Variants in ACTN1 observed in about 807,000 individuals in gnomAD.
ACTN1 encodes actinin alpha 1.
In ACTN1, 30 loss-of-function variants were observed where a neutral mutation model predicts 119.6. The ratio of observed to expected loss-of-function variants is 0.25; its 90% CI spans 0.19 to 0.34. The LOEUF (loss-of-function observed/expected upper bound fraction) is 0.34. Among genes scored for constraint, ACTN1 ranks in the 10% least tolerant of loss-of-function variants. The pLI, the probability that ACTN1 is intolerant of heterozygous loss-of-function variation, is 1.00. For synonymous variants in ACTN1, 429 were observed against 472.6 expected, an observed-to-expected ratio of 0.91 and a Z score of 1.20; for missense variants, 764 against 1,223.4, an observed-to-expected ratio of 0.62 and a Z score of 5.60.
At chr14:68,954,647 C>G (rs1355431603) in intron 1 of ACTN1, among the ~76,000 whole-genome samples, 1 of 152,124 alleles carries the variant, frequency 6.6e-6, no homozygotes, top group Non-Finnish European at 1.5e-5. Flanking sequence ...TATTTTTAAG[C>G]ATGTCTTTCT....
chr14:68,953,885 CAAAA>C (rs756178152), intron 1 of ACTN1, among the ~76,000 whole-genome samples: 1 of 101,868 alleles, frequency 9.8e-6, no homozygotes, highest in Non-Finnish European at 2.1e-5. Flanking sequence ...GACTCTGTCT[CAAAA>C]AAAAAAAAAA....
Position 68,979,140 on chromosome 14 carries a change from T to A in ACTN1, c.-84A>T. 1 of 679,826 alleles carries A rather than the reference T, an allele frequency of 1.5e-6. No homozygotes were observed. The allele number at this position is 679,826 out of a possible 1,614,324, so 42.1% of individuals were successfully genotyped here. ...CTGCTGCCCTGGCGTGGGGAGGGAGTAGGGCTGGGCTGGGCTGGGCTGGCG... is the reference window on the plus strand; with the variant it reads ...CTGCTGCCCTGGCGTGGGGAGGGAGAAGGGCTGGGCTGGGCTGGGCTGGCG... On this transcript the variant is annotated 5_prime_UTR_variant, in exon 1 of 22. Transcript: ENST00000394419.
At chr14:68,875,411 G>A (rs1033222980) in intron 21 of ACTN1, among the ~76,000 whole-genome samples, 1 of 152,244 alleles carries the variant, frequency 6.6e-6, no homozygotes, top group African/African-American at 2.4e-5. Flanking sequence ...GAGCTCTCTG[G>A]ACGCCTCGGA....
chr14:68,921,391 C>T, intron 2 of ACTN1: 1 of 335,522 alleles, frequency 3.0e-6, no homozygotes, highest in Non-Finnish European at 5.4e-6. Flanking sequence ...ATTTATCGAG[C>T]CCCTACCGCA....
intron 11 of ACTN1, among the ~76,000 whole-genome samples, chr14:68,888,476 G>A (rs147533250): frequency 0.017 from 2,637 of 152,256 alleles, 38 homozygotes; most frequent in Middle Eastern, 0.031. Context: ...CACGCACAGT[G>A]GATGTGGGGG....
chr14:68,902,374 C>A, intron 8 of ACTN1, 103 bp downstream of exon 8: 2 of 1,009,106 alleles, frequency 2.0e-6, no homozygotes, highest in Non-Finnish European at 1.6e-6. Flanking sequence ...ACCAGACCAT[C>A]CAGATACCTG....
In ACTN1 at chr14:68,893,567, A is replaced by T. The variant is rs543227712; in HGVS notation, c.855+88T>A. 5.5e-6 allele frequency: 7 copies of T among 1,278,428 alleles called. No individual in the cohort carries two copies. In the African/African-American group the frequency reaches 1.0e-4, roughly 19 times the overall value. 79.2% of individuals were successfully genotyped at this position (1,278,428 alleles called of 1,614,324 possible). On this transcript the variant is annotated intron_variant, in intron 9 of 21. Transcript: ENST00000394419. ...GGATCAGAGACTATACAAGCCTGAG[A>T]CTATGCTCCAAGGAAAGACTTGGAG...
chr14:68,900,101 A>G (rs1197788417), intron 8 of ACTN1, among the ~76,000 whole-genome samples: 7 of 152,106 alleles, frequency 4.6e-5, no homozygotes, highest in East Asian at 1.9e-4. Flanking sequence ...GCCCGCACCA[A>G]TGAGCCCTGG....
chr14:68,899,334 CT>C (rs1320980259), intron 8 of ACTN1, among the ~76,000 whole-genome samples: 1 of 150,582 alleles, frequency 6.6e-6, no homozygotes, highest in South Asian at 2.1e-4. Context: ...CACCTCACCC[CT>C]CACACCTCCT....
chr14:68,950,601 G>A (rs987781631), intron 1 of ACTN1, among the ~76,000 whole-genome samples: 6 of 147,860 alleles, frequency 4.1e-5, no homozygotes, highest in African/African-American at 1.5e-4. Flanking sequence ...TCACTCTGTC[G>A]CCCAGTCTGG....
At chr14:68,881,955 T>TTTGTTTGA (rs58500225) in intron 16 of ACTN1, among the ~76,000 whole-genome samples, 1 of 103,002 alleles carries the variant, frequency 9.7e-6, no homozygotes, top group African/African-American at 4.4e-5. Context: ...TTTTTTTTTT[T>TTTGTTTGA]GACAGAGTCT....
chr14:68,958,722 C>T (rs1198982781), intron 1 of ACTN1, among the ~76,000 whole-genome samples: 10 of 152,182 alleles, frequency 6.6e-5, no homozygotes, highest in South Asian at 4.1e-4. Flanking sequence ...CTGGAAACCA[C>T]GGAAGTGTCC....
At position 68,966,699 on chromosome 14, in the gene ACTN1, G is replaced by A. The variant is rs527997917; in HGVS notation, c.105+12253C>T. Among the ~76,000 whole-genome samples, 10 of 152,236 alleles carry A rather than the reference G, an allele frequency of 6.6e-5. No homozygotes were observed. The East Asian group carries it at 1.7e-3, about 26-fold the overall frequency. On this transcript the variant is annotated intron_variant, in intron 1 of 21. Transcript: ENST00000394419. Reference sequence around the variant, plus strand: ...ACAGTTATCTAGATCCACACCCCTCGGGATACTGTGGCTAAAGACAGTGGG... The same window carrying A: ...ACAGTTATCTAGATCCACACCCCTCAGGATACTGTGGCTAAAGACAGTGGG...
intron 13 of ACTN1, 118 bp downstream of exon 13, chr14:68,884,657 G>T (rs537531366): frequency 3.4e-6 from 3 of 873,824 alleles, no homozygotes; most frequent in Admixed American, 4.5e-5. Context: ...GCCAGGGTTG[G>T]GGGAGGTCTG....
At chr14:68,919,895 C>G (rs896096259) in intron 3 of ACTN1, among the ~76,000 whole-genome samples, 2 of 152,220 alleles carry the variant, frequency 1.3e-5, no homozygotes, top group African/African-American at 4.8e-5. Context: ...GGACTCGACC[C>G]CATGCACTGC....
At chr14:68,928,051 G>A (rs2035018984) in intron 1 of ACTN1, among the ~76,000 whole-genome samples, 1 of 152,154 alleles carries the variant, frequency 6.6e-6, no homozygotes, top group Non-Finnish European at 1.5e-5. Flanking sequence ...AACTCGAAGG[G>A]ATGCTTTCAG....
At chr14:68,954,763 A>G (rs975246083) in intron 1 of ACTN1, among the ~76,000 whole-genome samples, 2 of 152,368 alleles carry the variant, frequency 1.3e-5, no homozygotes, top group Non-Finnish European at 2.9e-5. Flanking sequence ...CCATGATGCT[A>G]ACCTGAAGGC....
chr14:68,888,434 C>T (rs1265276461), intron 11 of ACTN1, among the ~76,000 whole-genome samples: 1 of 152,320 alleles, frequency 6.6e-6, no homozygotes, highest in East Asian at 1.9e-4. Flanking sequence ...CTCCTCCACT[C>T]TGCCCGTCAC....
chr14:68,931,831 C>T (rs1422799705), intron 1 of ACTN1, among the ~76,000 whole-genome samples: 1 of 152,128 alleles, frequency 6.6e-6, no homozygotes, highest in African/African-American at 2.4e-5. Context: ...TAATAAAGAA[C>T]AGACCACAAG....
Sources: gnomAD v4.1 joint callset for allele counts (sites outside exome capture counted in the v4.1 genomes callset) on GRCh38, gnomAD v4.1.1 for gene constraint, MANE v1.5 for transcripts, NCBI Gene and HGNC (gene_info 2026-07-23, HGNC 2026-07-21) for gene names.